DNM3: variants seen among roughly 807,000 people sequenced by gnomAD.
DNM3 encodes dynamin 3, also known as dynamin-3.
A neutral mutation model predicts 101.6 loss-of-function variants in DNM3; 47 were observed. The ratio of observed to expected loss-of-function variants is 0.46; its 90% CI spans 0.37 to 0.59. DNM3 has a LOEUF of 0.59. DNM3 is among the 20% of genes least tolerant of loss of function. The pLI, the probability that DNM3 is intolerant of heterozygous loss-of-function variation, is 0.00. For synonymous variants in DNM3, 385 were observed against 387.9 expected, an observed-to-expected ratio of 0.99 and a Z score of 0.09; for missense variants, 849 against 1,085.7, an observed-to-expected ratio of 0.78 and a Z score of 3.06.
intron 14 of DNM3, among the ~76,000 whole-genome samples, chr1:172,212,838 AAG>A (rs369570579): frequency 6.6e-6 from 1 of 152,070 alleles, no homozygotes; most frequent in East Asian, 1.9e-4. Flanking sequence ...CCAGTACTGG[AAG>A]AGAGAGAGAG....
chr1:172,074,930 C>A (rs541256387), intron 11 of DNM3, among the ~76,000 whole-genome samples: 2 of 152,338 alleles, frequency 1.3e-5, no homozygotes, highest in South Asian at 2.1e-4. Flanking sequence ...ACACTCCCAA[C>A]AACAGTGTAA....
In DNM3 at chr1:172,048,615, A is replaced by C. The variant is rs542683043; in HGVS notation, c.1200A>C (p.Thr400=). ...YAIKNIHGIR[T]GLFTPDMAFE... ...CTGCTTGCTTTCTTACCTTCAGGAC[A>C]GGGTTGTTTACTCCAGACATGGCAT... The change falls in exon 10 of 21, where the codon ACA becomes ACC. Residue 400 remains threonine (T), a synonymous_variant. Coordinates refer to ENST00000627582, the MANE Select transcript of DNM3 (RefSeq NM_015569.5). The C allele has an allele frequency of 6.2e-7, 1 of 1,611,916 alleles. No homozygotes were observed. Among genetic ancestry groups the C allele is most frequent in the Non-Finnish European group, 8.5e-7 (1 of 1,179,086 alleles).
At chr1:172,151,297 G>A (rs936952542) in intron 14 of DNM3, among the ~76,000 whole-genome samples, 14 of 152,150 alleles carry the variant, frequency 9.2e-5, no homozygotes, top group Non-Finnish European at 1.9e-4. Context: ...GAGCTTCATA[G>A]CAATAGTTAA....
chr1:172,302,009 G>T (rs970820124), intron 15 of DNM3, among the ~76,000 whole-genome samples: 3 of 152,146 alleles, frequency 2.0e-5, no homozygotes, highest in African/African-American at 7.2e-5. Context: ...GAGGTACCTG[G>T]TTTATCTCAC....
chr1:172,044,931 A>T (rs2049660223), intron 9 of DNM3, among the ~76,000 whole-genome samples: 1 of 152,148 alleles, frequency 6.6e-6, no homozygotes, highest in Admixed American at 6.5e-5. Flanking sequence ...GTGTGCTTGC[A>T]CATGTGGGAG....
Position 172,411,538 on chromosome 1 carries a change from T to TTA in DNM3, c.*3697_*3698insTA, listed in dbSNP as rs2071205391. 1.1e-6 allele frequency: 1 copy of TTA among 933,056 alleles called. No homozygotes were observed. Among genetic ancestry groups the TTA allele is most frequent in the African/African-American group, 2.0e-5 (1 of 49,516 alleles). The allele number at this position is 933,056 out of a possible 1,614,324, so 57.8% of individuals were successfully genotyped here. A position where few individuals can be genotyped will look rare whatever the true frequency, so the allele number is the denominator to read the frequency against. ...AGTCATTTTTCCTCTATGGTAGAAG[T>TTA]AAAAAAAAAAAAAAAGGACATAGCA... On this transcript the variant is annotated 3_prime_UTR_variant, in exon 21 of 21. Transcript: ENST00000627582.
At chr1:172,201,631 G>A (rs1259426510) in intron 14 of DNM3, among the ~76,000 whole-genome samples, 1 of 152,190 alleles carries the variant, frequency 6.6e-6, no homozygotes, top group Non-Finnish European at 1.5e-5. Context: ...ACTACAGCTT[G>A]TTGTAGTGTG....
chr1:172,073,892 G>T (rs1379723939), intron 11 of DNM3, among the ~76,000 whole-genome samples: 1 of 151,968 alleles, frequency 6.6e-6, no homozygotes, highest in Non-Finnish European at 1.5e-5. Context: ...CTTCTTTTTT[G>T]CAGGTTCTGG....
chr1:172,000,671 CA>C (rs1225411898), intron 4 of DNM3, among the ~76,000 whole-genome samples: 6 of 152,042 alleles, frequency 3.9e-5, no homozygotes, highest in Non-Finnish European at 8.8e-5. Flanking sequence ...TTTTATGTTT[CA>C]CCCAATGGAG....
intron 10 of DNM3, among the ~76,000 whole-genome samples, chr1:172,054,632 G>A (rs1572279074): frequency 6.6e-6 from 1 of 151,824 alleles, no homozygotes; most frequent in Non-Finnish European, 1.5e-5. Flanking sequence ...AGTTTTGCAA[G>A]GAGAAAAAAA....
At chr1:172,200,995 T>G (rs889818301) in intron 14 of DNM3, among the ~76,000 whole-genome samples, 1 of 152,198 alleles carries the variant, frequency 6.6e-6, no homozygotes, top group Non-Finnish European at 1.5e-5. Context: ...TCTCTGTGTG[T>G]GGGTGTTCCT....
At chr1:171,846,714 G>A (rs1049159640) in intron 1 of DNM3, among the ~76,000 whole-genome samples, 1 of 152,144 alleles carries the variant, frequency 6.6e-6, no homozygotes, top group Non-Finnish European at 1.5e-5. Context: ...TTAATTTTCT[G>A]CATGGCCAAA....
chr1:172,093,427 C>T (rs569894768), intron 13 of DNM3, among the ~76,000 whole-genome samples: 22 of 152,272 alleles, frequency 1.4e-4, no homozygotes, highest in African/African-American at 4.1e-4. Flanking sequence ...TGACTAATAG[C>T]GCTCTGCAGA....
At chr1:172,192,845 A>G (rs1301127865) in intron 14 of DNM3, among the ~76,000 whole-genome samples, 1 of 151,480 alleles carries the variant, frequency 6.6e-6, no homozygotes, top group Non-Finnish European at 1.5e-5. Flanking sequence ...ATATGTGTGC[A>G]TGTGTCTTTA....
intron 14 of DNM3, among the ~76,000 whole-genome samples, chr1:172,227,186 C>T (rs1337187641): frequency 6.7e-6 from 1 of 149,476 alleles, no homozygotes; most frequent in Non-Finnish European, 1.5e-5. Context: ...AGTTAGTTCA[C>T]TTAGAATAAT....
rs184619166 is a variant in DNM3 at position 171,903,137 on chromosome 1, A to G, written c.162-18611A>G. ...GCCACTATACTTAAGCCTGGGTGAC[A>G]GAGCGAGACCCTGTCTCAAAAAATA... On this transcript the variant is annotated intron_variant, in intron 1 of 20. Transcript: ENST00000627582. Among the ~76,000 whole-genome samples the G allele has an allele frequency of 3.4e-3, 511 of 152,254 alleles. 6 individuals carry two copies. The highest frequency in any genetic ancestry group is 0.012 in the African/African-American group (484 of 41,538).
In DNM3 at chr1:171,970,970, AAAT is replaced by A. The variant is rs1390318027; in HGVS notation, c.236-16680_236-16678del. Among the ~76,000 whole-genome samples, 6 of 152,270 alleles carry A rather than the reference AAAT, an allele frequency of 3.9e-5. No homozygotes were observed. In the East Asian group the frequency reaches 1.2e-3, roughly 29 times the overall value. Reference sequence around the variant, plus strand: ...TTACCTTTATGTTGAACATTTAAAAAAATAATAACAGTAGCCTACATTTTAAAT... The same window carrying A: ...TTACCTTTATGTTGAACATTTAAAAAAATAACAGTAGCCTACATTTTAAAT... On this transcript the variant is annotated intron_variant, in intron 2 of 20. Transcript: ENST00000627582.
intron 14 of DNM3, among the ~76,000 whole-genome samples, chr1:172,176,165 T>C (rs1006685028): frequency 6.6e-6 from 1 of 151,758 alleles, no homozygotes; most frequent in Non-Finnish European, 1.5e-5. Context: ...TCATAGGGTC[T>C]GTTTAAGGGG....
chr1:172,352,177 A>G (rs2067229786), intron 17 of DNM3, among the ~76,000 whole-genome samples: 1 of 152,150 alleles, frequency 6.6e-6, no homozygotes, highest in South Asian at 2.1e-4. Context: ...TGTCACTACA[A>G]ATCTCACTGT....
Sources: allele counts gnomAD v4.1 joint callset (sites outside exome capture counted in the v4.1 genomes callset), GRCh38; gene constraint gnomAD v4.1.1; transcripts MANE v1.5; gene names NCBI Gene and HGNC (gene_info 2026-07-23, HGNC 2026-07-21).